Variants in FRMD4A observed in about 807,000 individuals in gnomAD.
The protein encoded by FRMD4A is FERM domain containing 4A.
In FRMD4A, 29 loss-of-function variants were observed where a neutral mutation model predicts 129.1. The ratio of observed to expected loss-of-function variants is 0.22; its 90% confidence interval spans 0.17 to 0.31. FRMD4A has a LOEUF of 0.31. FRMD4A is among the 10% of genes least tolerant of loss of function. The pLI, the probability that FRMD4A is intolerant of heterozygous loss-of-function variation, is 1.00. For synonymous variants in FRMD4A, 634 were observed against 571.6 expected, an observed-to-expected ratio of 1.11 and a Z score of -1.56; for missense variants, 1,272 against 1,375.8, an observed-to-expected ratio of 0.92 and a Z score of 1.19.
intron 24 of FRMD4A, chr10:13,649,114 T>C (rs2081340453): frequency 6.6e-6 from 1 of 152,202 alleles, no homozygotes. Context: ...TGGGCTAATA[T>C]TATGAAATGT....
At chr10:13,780,235 G>A (rs367821666) in intron 6 of FRMD4A, among the ~76,000 whole-genome samples, 4 of 152,122 alleles carry the variant, frequency 2.6e-5, no homozygotes, top group African/African-American at 9.6e-5. Flanking sequence ...GCTGAGGCGG[G>A]AGAATCGCTT....
chr10:13,891,799 C>T, intron 2 of FRMD4A: 2 of 951,512 alleles, frequency 2.1e-6, no homozygotes, highest in African/African-American at 1.8e-5. Flanking sequence ...CGCGGGCCCT[C>T]GGCGTCAGCC....
intron 2 of FRMD4A, among the ~76,000 whole-genome samples, chr10:14,276,406 G>A (rs1845342233): frequency 6.6e-6 from 1 of 152,152 alleles, no homozygotes; most frequent in South Asian, 2.1e-4. Flanking sequence ...AGAGCCACTT[G>A]GCACAAACCT....
intron 2 of FRMD4A, among the ~76,000 whole-genome samples, chr10:14,245,068 C>G (rs902950526): frequency 6.6e-6 from 1 of 152,206 alleles, no homozygotes; most frequent in African/African-American, 2.4e-5. Flanking sequence ...GCCTCAGGCT[C>G]TTAGTTTTCA....
At chr10:13,968,973 A>G (rs972842868) in intron 2 of FRMD4A, among the ~76,000 whole-genome samples, 5 of 152,204 alleles carry the variant, frequency 3.3e-5, no homozygotes, top group African/African-American at 1.2e-4. Context: ...TGAAGAATGG[A>G]AAATGGCCCA....
chr10:14,136,716 T>C (rs968303973), intron 2 of FRMD4A, among the ~76,000 whole-genome samples: 3 of 144,006 alleles, frequency 2.1e-5, no homozygotes, highest in Non-Finnish European at 4.6e-5. Context: ...GCTGAACCAA[T>C]GTACATCAAT....
At chr10:13,873,555 AT>A (rs1384522676) in intron 2 of FRMD4A, among the ~76,000 whole-genome samples, 1 of 152,142 alleles carries the variant, frequency 6.6e-6, no homozygotes, top group Non-Finnish European at 1.5e-5. Flanking sequence ...AAATTAGTTA[AT>A]TTATTTTTGA....
chr10:13,660,514 G>C lies in FRMD4A; in HGVS notation c.1700C>G (p.Ser567Cys), dbSNP rs1343057026. 6.2e-7 allele frequency: 1 copy of C among 1,613,292 alleles called. No homozygotes were observed. The highest frequency in any genetic ancestry group is 8.5e-7 in the Non-Finnish European group (1 of 1,179,340). ...CCGAGGAGGGAGTCCCTTGTGAGGA[G>C]AATGTAGGGGGGATATTGTGCTGGT... ...QVTSTISPLHSPHKGLPPRPP... is the reference protein window; with the variant it reads ...QVTSTISPLHCPHKGLPPRPP... Residue 567 changes from serine (S) to cysteine (C), a missense_variant, in exon 20 of 25, where the codon TCT becomes TGT. Physicochemically the swap from Ser to Cys is moderately radical, Grantham distance 112. This residue lies in a region of FRMD4A where 972 missense variants were observed against 892.3 expected (regional missense o/e 1.09). Transcript: ENST00000357447.
chr10:14,011,132 C>T (rs1291551357), intron 2 of FRMD4A, among the ~76,000 whole-genome samples: 1 of 152,158 alleles, frequency 6.6e-6, no homozygotes, highest in Non-Finnish European at 1.5e-5. Flanking sequence ...GCTTGCCTGT[C>T]CTACAGGACT....
At chr10:13,717,915 C>T (rs2089000691) in intron 12 of FRMD4A, among the ~76,000 whole-genome samples, 1 of 152,114 alleles carries the variant, frequency 6.6e-6, no homozygotes, top group Non-Finnish European at 1.5e-5. Flanking sequence ...AAACACCGTG[C>T]TTTATCACCC....
At chr10:13,677,213 A>T (rs182041034) in intron 15 of FRMD4A, among the ~76,000 whole-genome samples, 1 of 152,274 alleles carries the variant, frequency 6.6e-6, no homozygotes, top group African/African-American at 2.4e-5. Context: ...TAACTCTAAC[A>T]TGGGTTTTGT....
chr10:13,924,523 G>A (rs1218939074), intron 2 of FRMD4A, among the ~76,000 whole-genome samples: 2 of 151,952 alleles, frequency 1.3e-5, no homozygotes, highest in African/African-American at 4.8e-5. Flanking sequence ...TTGCCATAAA[G>A]GAAGGACTTC....
intron 6 of FRMD4A, among the ~76,000 whole-genome samples, chr10:13,769,334 G>T (rs1178027564): frequency 7.3e-6 from 1 of 136,106 alleles, no homozygotes; most frequent in Non-Finnish European, 1.6e-5. Flanking sequence ...TTTGAGACAG[G>T]GTCTTGCTCT....
Position 13,805,836 on chromosome 10 carries a change from G to A in FRMD4A, c.206+4978C>T, listed in dbSNP as rs1256797606. Among the ~76,000 whole-genome samples, 10 of 149,858 alleles carry A rather than the reference G, an allele frequency of 6.7e-5. No individual in the cohort carries two copies. In the South Asian group the frequency reaches 8.6e-4, roughly 13 times the overall value. ...CCTCAGTAGTTGGGACTACAACTGT[G>A]CACCACCATGCCTGGCTAATTTTTA... On this transcript the variant is annotated intron_variant, in intron 4 of 24. Coordinates refer to ENST00000357447, the MANE Select transcript of FRMD4A (RefSeq NM_018027.5).
intron 2 of FRMD4A, among the ~76,000 whole-genome samples, chr10:14,174,615 T>C (rs1270379019): frequency 1.3e-5 from 2 of 152,178 alleles, no homozygotes; most frequent in Admixed American, 1.3e-4. Flanking sequence ...CAGGAATGGA[T>C]CTAGTTGACA....
At chr10:13,925,970 A>G (rs1207467888) in intron 2 of FRMD4A, among the ~76,000 whole-genome samples, 1 of 149,626 alleles carries the variant, frequency 6.7e-6, no homozygotes, top group African/African-American at 2.5e-5. Flanking sequence ...GATTGATTGA[A>G]TTTGGTGTGT....
chr10:14,004,100 C>CTCCACAA (rs2095652733), intron 2 of FRMD4A, among the ~76,000 whole-genome samples: 1 of 152,168 alleles, frequency 6.6e-6, no homozygotes, highest in Non-Finnish European at 1.5e-5. Flanking sequence ...TTGTTTTCCA[C>CTCCACAA]GTGTCTTACA....
intron 2 of FRMD4A, among the ~76,000 whole-genome samples, chr10:13,861,672 C>T (rs2094297041): frequency 6.6e-6 from 1 of 152,186 alleles, no homozygotes; most frequent in Admixed American, 6.5e-5. Context: ...ATGCAAAGTC[C>T]TTATTCACCC....
intron 2 of FRMD4A, among the ~76,000 whole-genome samples, chr10:14,243,796 C>T (rs972247991): frequency 7.0e-6 from 1 of 143,706 alleles, no homozygotes; most frequent in Non-Finnish European, 1.5e-5. Context: ...AAAAATGGTT[C>T]AAATGACACT....
Sources: gnomAD v4.1 joint callset for allele counts (sites outside exome capture counted in the v4.1 genomes callset) on GRCh38, gnomAD v4.1.1 for gene constraint, gnomAD v4.1.1 regional missense constraint, MANE v1.5 for transcripts, NCBI Gene and HGNC (gene_info 2026-07-23, HGNC 2026-07-21) for gene names.